The following AMPH variants were observed in gnomAD, a reference collection of about 807,000 sequenced individuals.
AMPH encodes amphiphysin, also known as amphiphysin (Stiff-Mann syndrome with breast cancer 128kD autoantigen).
Under a neutral mutation model 99.1 loss-of-function variants are expected in AMPH, and 49 were observed. That is an observed-to-expected ratio of 0.49 (90% CI 0.39 to 0.63). The LOEUF is 0.63. Ranked by LOEUF, AMPH falls within the 20% of genes least tolerant of loss-of-function variation. AMPH has a pLI of 0.00. For missense variants in AMPH, 759 were observed against 863.4 expected, an observed-to-expected ratio of 0.88 and a Z score of 1.52; for synonymous variants, 314 against 317.3, an observed-to-expected ratio of 0.99 and a Z score of 0.11.
At position 38,491,142 on chromosome 7, in the gene AMPH, A is replaced by G. The variant is rs773050809; in HGVS notation, c.304T>C (p.Cys102Arg). 5.6e-6 allele frequency: 9 copies of G among 1,609,778 alleles called. No individual in the cohort carries two copies. Among genetic ancestry groups the G allele is most frequent in the Non-Finnish European group, 7.7e-6 (9 of 1,176,388 alleles). Residue 102 changes from cysteine to arginine, a missense_variant, in exon 5 of 21, where the codon TGT (cysteine) becomes CGT (arginine). Transcript: ENST00000356264. ...TGGAAGTCTTCCCACAGCACATCACATTTCTAAAAGAAATAAAGAGACCAC... is the reference window on the plus strand; with the variant it reads ...TGGAAGTCTTCCCACAGCACATCACGTTTCTAAAAGAAATAAAGAGACCAC... ...REDVKMVGEKCDVLWEDFHQK... is the reference protein window; with the variant it reads ...REDVKMVGEKRDVLWEDFHQK...
At chr7:38,622,454 TACACAC>T (rs57860314) in intron 1 of AMPH, among the ~76,000 whole-genome samples, 2 of 149,828 alleles carry the variant, frequency 1.3e-5, no homozygotes, top group African/African-American at 2.5e-5. Flanking sequence ...TATGAATACA[TACACAC>T]ACACACACAC....
intron 1 of AMPH, among the ~76,000 whole-genome samples, chr7:38,587,913 A>ACT (rs201808487): frequency 0.26 from 33,965 of 131,654 alleles, 4,085 homozygotes; most frequent in Non-Finnish European, 0.32. Flanking sequence ...CTTATTAATT[A>ACT]CTGTGTGTGT....
intron 4 of AMPH, 103 bp from the exon 5 acceptor site, chr7:38,491,248 C>A: frequency 1.3e-6 from 1 of 771,990 alleles, no homozygotes; most frequent in Non-Finnish European, 2.1e-6. Flanking sequence ...GTAATACTTT[C>A]CCAGATATGA....
chr7:38,523,252 G>T (rs1028248343), intron 2 of AMPH, among the ~76,000 whole-genome samples: 3 of 152,046 alleles, frequency 2.0e-5, no homozygotes, highest in African/African-American at 7.2e-5. Context: ...TTGTGTGTGT[G>T]TATACACACA....
intron 1 of AMPH, among the ~76,000 whole-genome samples, chr7:38,536,680 T>TA (rs1283601881): frequency 6.6e-6 from 1 of 152,124 alleles, no homozygotes; most frequent in Non-Finnish European, 1.5e-5. Context: ...ATGTAAGTAA[T>TA]ATGAAATATG....
chr7:38,536,223 G>A (rs1024217146), intron 1 of AMPH, among the ~76,000 whole-genome samples: 1 of 152,096 alleles, frequency 6.6e-6, no homozygotes, highest in Admixed American at 6.5e-5. Context: ...GTAACAAATT[G>A]TACTTGCTGC....
chr7:38,550,900 T>C (rs191463970), intron 1 of AMPH, among the ~76,000 whole-genome samples: 1 of 152,296 alleles, frequency 6.6e-6, no homozygotes, highest in Non-Finnish European at 1.5e-5. Flanking sequence ...ATTAGTCACA[T>C]TTTTCACATT....
chr7:38,631,224 C>T (rs1794451293), intron 1 of AMPH, 59 bp downstream of exon 1: 1 of 1,467,668 alleles, frequency 6.8e-7, no homozygotes, highest in Admixed American at 2.3e-5. Context: ...CAGCCGGTGC[C>T]CTCCGGCCAA....
intron 2 of AMPH, among the ~76,000 whole-genome samples, chr7:38,507,369 T>C (rs1307735126): frequency 6.6e-6 from 1 of 152,164 alleles, no homozygotes; most frequent in Non-Finnish European, 1.5e-5. Context: ...TTCTTAATTT[T>C]CCCCATGAGT....
rs183462821 is a variant in AMPH at position 38,528,839 on chromosome 7, C to G, written c.150+6092G>C. Among the ~76,000 whole-genome samples the G allele has an allele frequency of 5.3e-5, 8 of 152,028 alleles. 1 individual carries two copies. Among genetic ancestry groups the G allele is most frequent in the Admixed American group, 4.6e-4 (7 of 15,258 alleles). On this transcript the variant is annotated intron_variant, in intron 2 of 20. Transcript: ENST00000356264. ...ATTGATTTAAGACCTTTCCTTGTTT[C>G]TAATGCAAGCATTTAATGCTATAAA... is the stretch of plus-strand genomic sequence containing the variant.
At chr7:38,613,689 A>G (rs1793764001) in intron 1 of AMPH, among the ~76,000 whole-genome samples, 1 of 152,180 alleles carries the variant, frequency 6.6e-6, no homozygotes, top group Admixed American at 6.5e-5. Flanking sequence ...TATATTCTTA[A>G]GTTGAACTGT....
intron 2 of AMPH, among the ~76,000 whole-genome samples, chr7:38,521,820 A>G (rs1289918619): frequency 6.6e-6 from 1 of 152,090 alleles, no homozygotes; most frequent in Non-Finnish European, 1.5e-5. Flanking sequence ...GTTTTCTTAC[A>G]TGATAGTAAT....
At chr7:38,560,758 C>A (rs1396574481) in intron 1 of AMPH, among the ~76,000 whole-genome samples, 1 of 152,136 alleles carries the variant, frequency 6.6e-6, no homozygotes, top group Admixed American at 6.5e-5. Context: ...TAGGGTGGTT[C>A]CCAAGGCTAG....
chr7:38,549,577 A>G (rs1029039761), intron 1 of AMPH, among the ~76,000 whole-genome samples: 3 of 152,244 alleles, frequency 2.0e-5, no homozygotes, highest in African/African-American at 7.2e-5. Flanking sequence ...AAAACCTTTG[A>G]CCCTAATACC....
Position 38,384,742 on chromosome 7 carries a change from C to G in AMPH, c.*76G>C. On this transcript the variant is annotated 3_prime_UTR_variant, in exon 21 of 21. Transcript: ENST00000356264. Reference sequence around the variant, plus strand: ...CTGTAAATCATTAAGAGCATAATAACAAAAGTGAACTCTTCAGGTTTTCAT... The same window carrying G: ...CTGTAAATCATTAAGAGCATAATAAGAAAAGTGAACTCTTCAGGTTTTCAT... The G allele has an allele frequency of 8.1e-7, 1 of 1,235,902 alleles. No individual in the cohort carries two copies. Among genetic ancestry groups the G allele is most frequent in the South Asian group, 1.2e-5 (1 of 80,078 alleles). The allele number at this position is 1,235,902 out of a possible 1,614,324, so 76.6% of individuals were successfully genotyped here.
intron 1 of AMPH, among the ~76,000 whole-genome samples, chr7:38,558,112 C>A (rs1306863071): frequency 6.6e-6 from 1 of 152,148 alleles, no homozygotes; most frequent in African/African-American, 2.4e-5. Flanking sequence ...AAAGTAACCA[C>A]AAAGCTGCCT....
intron 11 of AMPH, among the ~76,000 whole-genome samples, chr7:38,458,200 T>C (rs1247323376): frequency 1.3e-5 from 2 of 152,074 alleles, no homozygotes; most frequent in Non-Finnish European, 2.9e-5. Context: ...AAACTCCACA[T>C]GTATCCCCTG....
chr7:38,410,028 G>A (rs561416113), intron 17 of AMPH, among the ~76,000 whole-genome samples: 4 of 152,282 alleles, frequency 2.6e-5, no homozygotes, highest in South Asian at 2.1e-4. Flanking sequence ...TGGAGCAGCC[G>A]CCGTGGACAG....
chr7:38,486,885 C>G (rs932616273), intron 5 of AMPH, among the ~76,000 whole-genome samples: 3 of 151,930 alleles, frequency 2.0e-5, no homozygotes, highest in African/African-American at 4.8e-5. Flanking sequence ...TATCCTTTCA[C>G]GATAAAATGC....
Sources: allele counts gnomAD v4.1 joint callset (sites outside exome capture counted in the v4.1 genomes callset), GRCh38; gene constraint gnomAD v4.1.1; transcripts MANE v1.5; gene names NCBI Gene and HGNC (gene_info 2026-07-23, HGNC 2026-07-21).